Variants in BCL2L12 observed in about 807,000 individuals in gnomAD.
BCL2L12 encodes bcl-2-like protein 12.
Under a neutral mutation model 25.7 loss-of-function variants are expected in BCL2L12, and 27 were observed. That is an observed-to-expected ratio of 1.05 (90% CI 0.78 to 1.45). The LOEUF (loss-of-function observed/expected upper bound fraction) is 1.45, where lower values mean the gene tolerates loss of function less well. BCL2L12 is among the 40% of genes most tolerant of loss of function. BCL2L12 has a pLI of 0.00. For missense variants in BCL2L12, 302 were observed against 329.8 expected (o/e 0.92, Z 0.65); for synonymous variants, 132 against 145.6 (o/e 0.91, Z 0.67).
At position 49,672,391 on chromosome 19, in the gene BCL2L12, C is replaced by T. The variant is rs776299993; in HGVS notation, c.703-1307C>T. 3.9e-5 allele frequency among the ~76,000 whole-genome samples: 6 copies of T among 152,120 alleles called. No homozygotes were observed. The highest frequency in any genetic ancestry group is 2.1e-4 in the South Asian group (1 of 4,826). On this transcript the variant is annotated intron_variant, in intron 6 of 6. Transcript: ENST00000246784. The surrounding 1 kb of genome is among the most constrained non-coding windows in gnomAD (Gnocchi z 4.1). ...GGGCGACAGATGAGAGGAGGAGAGG[C>T]GCCGGGCCAGCCAGGACCCTGTGGT...
chr19:49,665,688 C>T (rs111859305), upstream of BCL2L12: 88 of 1,233,484 alleles, frequency 7.1e-5, no homozygotes, highest in Non-Finnish European at 9.0e-5. Context: ...CTTGGAGCTC[C>T]GGGTAGCTCT....
upstream of BCL2L12, chr19:49,665,306 C>A: frequency 5.6e-6 from 1 of 177,372 alleles, no homozygotes. Context: ...ACAGAACTTC[C>A]ATTCAATTCC....
At position 49,670,417 on chromosome 19, in the gene BCL2L12, G is replaced by T; in HGVS notation, c.631G>T (p.Gly211Cys). 1.3e-6 allele frequency: 2 copies of T among 1,543,014 alleles called. No homozygotes were observed. The highest frequency in any genetic ancestry group is 1.7e-6 in the Non-Finnish European group (2 of 1,148,044). The change falls in exon 6 of 7, where the codon GGC (glycine) becomes TGC (cysteine). Residue 211 changes from glycine to cysteine, a missense_variant. By Grantham distance (159) the Gly-to-Cys change is radical (BLOSUM62 -3). Coordinates refer to ENST00000246784, the MANE Select transcript of BCL2L12 (RefSeq NM_138639.2). ...GAGCCGGCGCGTGGCCGGGCTGGGG[G>T]GCACCCTGGCCGGACTCAGCGTGGA... is the stretch of plus-strand genomic sequence containing the variant. ...ELSRRVAGLG[G>C]TLAGLSVEHV...
At chr19:49,668,711 C>A in intron 3 of BCL2L12, 140 bp from the exon 4 acceptor site, 1 of 863,636 alleles carries the variant, frequency 1.2e-6, no homozygotes, top group Non-Finnish European at 1.7e-6. Flanking sequence ...AATTGCGAGA[C>A]TCCGTTTCCC....
At chr19:49,673,611 C>G in intron 6 of BCL2L12, 87 bp from the exon 7 acceptor site, 1 of 1,153,650 alleles carries the variant, frequency 8.7e-7, no homozygotes, top group South Asian at 1.2e-5. Context: ...GCCTTCCCGT[C>G]TCTAATCTCA....
chr19:49,665,922 C>A (rs145496469), upstream of BCL2L12: 1 of 1,613,780 alleles, frequency 6.2e-7, no homozygotes, highest in Admixed American at 1.7e-5. Flanking sequence ...AGCGTGCACC[C>A]AGCGTTCCGC....
rs758781292 is a variant in BCL2L12, at chr19:49,670,335, C to T, written c.549C>T (p.Pro183=). ...DDSSRPSRAC[P]GPPPPSPEPL... ...GCTCTCGCCCAAGCCGAGCATGCCC[C>T]GGGCCCCCGCCTCCTTCCCCGGAGC... The change falls in exon 6 of 7, where the codon CCC becomes CCT. Residue 183 remains proline, a synonymous_variant. Coordinates refer to ENST00000246784, the MANE Select transcript of BCL2L12 (RefSeq NM_138639.2). 3 of 1,601,526 alleles carry T rather than the reference C, an allele frequency of 1.9e-6. No homozygotes were observed. Among genetic ancestry groups the T allele is most frequent in the African/African-American group, 1.3e-5 (1 of 74,662 alleles).
chr19:49,666,142 G>A (rs1355896036), intron 1 of BCL2L12, 75 bp downstream of exon 1: 3 of 1,479,254 alleles, frequency 2.0e-6, no homozygotes, highest in African/African-American at 1.4e-5. Context: ...GGGCACCCCA[G>A]TCCCGCTTCT....
chr19:49,670,176 G>A lies in BCL2L12; in HGVS notation c.430-40G>A, dbSNP rs553665431. On this transcript the variant is annotated intron_variant, in intron 5 of 6. Coordinates refer to ENST00000246784, the MANE Select transcript of BCL2L12 (RefSeq NM_138639.2). ...CCGGCCCTCTATTGGCTGGCCCCGG[G>A]GGCGCTGCTGACGCGGACCCTGCCT... The A allele has an allele frequency of 1.1e-4, 181 of 1,585,304 alleles. No homozygotes were observed. The Middle Eastern group carries it at 1.3e-3, about 12-fold the overall frequency.
At chr19:49,669,248 G>A in intron 5 of BCL2L12, 133 bp downstream of exon 5, 1 of 1,466,298 alleles carries the variant, frequency 6.8e-7, no homozygotes, top group Non-Finnish European at 9.0e-7. Context: ...TTCAATGAAG[G>A]GTTGAGGCCG....
chr19:49,668,524 C>T (rs982236523), intron 3 of BCL2L12, among the ~76,000 whole-genome samples: 1 of 152,068 alleles, frequency 6.6e-6, no homozygotes, highest in African/African-American at 2.4e-5. Context: ...GGAATCATGG[C>T]CAGGCTTGGT....
In BCL2L12 at chr19:49,672,187, C is replaced by T. The variant is rs192511027; in HGVS notation, c.703-1511C>T. The T allele has an allele frequency of 2.0e-5, 3 of 152,488 alleles. No individual in the cohort carries two copies. The highest frequency in any genetic ancestry group is 3.9e-4 in the East Asian group (2 of 5,182). 9.4% of individuals were successfully genotyped at this position (152,488 alleles called of 1,614,324 possible). A position where few individuals can be genotyped will look rare whatever the true frequency, so the allele number is the denominator to read the frequency against. ...TGTCGCAGTCTCCCTGAGCGGCACTCTCCCCACTGGTCCAGTGAGCACCGT... is the reference window on the plus strand; with the variant it reads ...TGTCGCAGTCTCCCTGAGCGGCACTTTCCCCACTGGTCCAGTGAGCACCGT... On this transcript the variant is annotated intron_variant, in intron 6 of 6. Transcript: ENST00000246784. The surrounding 1 kb of genome is among the most constrained non-coding windows in gnomAD (Gnocchi z 4.1).
chr19:49,671,069 T>C (rs1052764732), intron 6 of BCL2L12, among the ~76,000 whole-genome samples: 1 of 151,894 alleles, frequency 6.6e-6, no homozygotes, highest in Non-Finnish European at 1.5e-5. Flanking sequence ...GACTGAGGCA[T>C]GAGAATCGCT....
chr19:49,669,181 A>G, intron 5 of BCL2L12, 66 bp downstream of exon 5: 2 of 1,582,152 alleles, frequency 1.3e-6, no homozygotes, highest in Admixed American at 1.8e-5. Context: ...CACTGGGATC[A>G]GAAGCTGGAT....
At position 49,666,045 on chromosome 19, in the gene BCL2L12, G is replaced by T. The variant is rs992147499; in HGVS notation, c.-31G>T. The T allele has an allele frequency of 1.9e-6, 3 of 1,558,916 alleles. No individual in the cohort carries two copies. Among genetic ancestry groups the T allele is most frequent in the Admixed American group, 1.9e-5 (1 of 51,896 alleles). On this transcript the variant is annotated 5_prime_UTR_variant, in exon 1 of 7. Transcript: ENST00000246784. Reference sequence around the variant, plus strand: ...GGAGACCGCAAGTTGAGTGGAGGAGGCGGCGGTGGGGCCCCGGACCAGGTC... The same window carrying T: ...GGAGACCGCAAGTTGAGTGGAGGAGTCGGCGGTGGGGCCCCGGACCAGGTC...
In BCL2L12 at chr19:49,672,808, T is replaced by C. The variant is rs2081987857; in HGVS notation, c.703-890T>C. On this transcript the variant is annotated intron_variant, in intron 6 of 6. Coordinates refer to ENST00000246784, the MANE Select transcript of BCL2L12 (RefSeq NM_138639.2). This position sits in a 1 kb window ranked among gnomAD's most constrained non-coding sequence, Gnocchi z 4.1. ...CGGTCTACAGTAAGATCAGAACTCATAGCACATGTTGAGGGGAATGGATAT... is the reference window on the plus strand; with the variant it reads ...CGGTCTACAGTAAGATCAGAACTCACAGCACATGTTGAGGGGAATGGATAT... Among the ~76,000 whole-genome samples the C allele has an allele frequency of 6.6e-6, 1 of 152,080 alleles. No individual in the cohort carries two copies. Among genetic ancestry groups the C allele is most frequent in the South Asian group, 2.1e-4 (1 of 4,814 alleles).
chr19:49,668,806 G>A lies in BCL2L12; in HGVS notation c.251-45G>A, dbSNP rs201507746. ...GTTGGGGGAAGGAGAGAATCCGTAA[G>A]TTTCCAATGTCCTGGAAACCTGTCA... On this transcript the variant is annotated intron_variant, in intron 3 of 6. Coordinates refer to ENST00000246784, the MANE Select transcript of BCL2L12 (RefSeq NM_138639.2). 124 of 1,555,736 alleles carry A rather than the reference G, an allele frequency of 8.0e-5. No individual in the cohort carries two copies. In the East Asian group the frequency reaches 2.5e-3, roughly 32 times the overall value.
At position 49,672,722 on chromosome 19, in the gene BCL2L12, C is replaced by T. The variant is rs1041995266; in HGVS notation, c.703-976C>T. ...CTGCAGGGCGACATCTTAAGTTCCCCGAGATGGGGAAGGTGTGGGGATGGG... is the reference window on the plus strand; with the variant it reads ...CTGCAGGGCGACATCTTAAGTTCCCTGAGATGGGGAAGGTGTGGGGATGGG... On this transcript the variant is annotated intron_variant, in intron 6 of 6. Transcript: ENST00000246784. This position sits in a 1 kb window ranked among gnomAD's most constrained non-coding sequence, Gnocchi z 4.1. Among the ~76,000 whole-genome samples the T allele has an allele frequency of 1.4e-5, 2 of 140,564 alleles. No homozygotes were observed. The highest frequency in any genetic ancestry group is 2.4e-4 in the South Asian group (1 of 4,094). 92.2% of individuals were successfully genotyped at this position (140,564 alleles called of 152,430 possible).
chr19:49,669,211 T>G, intron 5 of BCL2L12, 96 bp downstream of exon 5: 2 of 1,534,460 alleles, frequency 1.3e-6, no homozygotes, highest in Non-Finnish European at 1.8e-6. Context: ...CTTTGGATGG[T>G]CAGGTGGAAA....
Sources: allele counts gnomAD v4.1 joint callset (sites outside exome capture counted in the v4.1 genomes callset), GRCh38; gene constraint gnomAD v4.1.1; non-coding constraint Gnocchi (gnomAD v3.1); transcripts MANE v1.5; gene names NCBI Gene and HGNC (gene_info 2026-07-23, HGNC 2026-07-21).